The following KLF17 variants were observed in gnomAD, a reference collection of about 807,000 sequenced individuals.
KLF17 encodes Krueppel-like factor 17.
A neutral mutation model predicts 34.2 loss-of-function variants in KLF17; 31 were observed. The ratio of observed to expected loss-of-function variants is 0.91; its 90% CI spans 0.68 to 1.22. The LOEUF (loss-of-function observed/expected upper bound fraction) is 1.22, where lower values mean the gene tolerates loss of function less well. Ranked by LOEUF, KLF17 falls within the 50% of genes most tolerant of loss-of-function variation. The pLI is 0.00. For synonymous variants in KLF17, 179 were observed against 186.7 expected (o/e 0.96, Z 0.34); for missense variants, 478 against 505.2 (o/e 0.95, Z 0.52).
chr1:44,086,807 G>T, the KLF17 span, among the ~76,000 whole-genome samples: 1 of 152,158 alleles, frequency 6.6e-6, no homozygotes, highest in Admixed American at 6.5e-5. Context: ...GCCTCCATTA[G>T]TGAAATAAGA....
chr1:44,103,918 C>T, the KLF17 span: 2 of 834,456 alleles, frequency 2.4e-6, no homozygotes, highest in Non-Finnish European at 4.2e-6. Context: ...TGCAGCTTCT[C>T]ATACTTGATC....
chr1:44,094,639 T>C, the KLF17 span, among the ~76,000 whole-genome samples: 3 of 152,184 alleles, frequency 2.0e-5, no homozygotes, highest in African/African-American at 7.2e-5. Context: ...TTGTCAAAAA[T>C]GAGTTGACTG....
chr1:44,100,774 G>A, the KLF17 span, among the ~76,000 whole-genome samples: 69,458 of 151,820 alleles, frequency 0.46, 16,128 homozygotes, highest in Middle Eastern at 0.51. Flanking sequence ...TTGTGTCTCA[G>A]CCTCCAAGTA....
chr1:44,068,164 A>T, the KLF17 span, among the ~76,000 whole-genome samples: 1 of 152,000 alleles, frequency 6.6e-6, no homozygotes, highest in South Asian at 2.1e-4. Flanking sequence ...AGCTAGGATT[A>T]CAGGTGCATG....
rs750191918 is a variant in KLF17 at position 44,129,911 on chromosome 1, C to T, written c.640C>T (p.Pro214Ser). The change falls in exon 2 of 4, where the codon CCG (proline) becomes TCG (serine). Residue 214 changes from proline to serine, a missense_variant. Transcript: ENST00000372299. ...VLPSMAQMLP[P>S]QDAHDLGMPP... ...CCCCTCCATGGCTCAGATGTTGCCC[C>T]CGCAAGATGCCCATGACCTTGGGAT... 9.3e-6 allele frequency: 15 copies of T among 1,614,060 alleles called. No homozygotes were observed. Among genetic ancestry groups the T allele is most frequent in the Non-Finnish European group, 1.3e-5 (15 of 1,180,046 alleles).
the KLF17 span, among the ~76,000 whole-genome samples, chr1:44,092,494 A>C: frequency 3.3e-5 from 5 of 152,332 alleles, no homozygotes; most frequent in South Asian, 8.3e-4. Context: ...AAAATAGTTC[A>C]AGTGATGAAC....
At chr1:44,090,934 G>GCACACA in the KLF17 span, among the ~76,000 whole-genome samples, 6 of 141,356 alleles carry the variant, frequency 4.2e-5, no homozygotes, top group East Asian at 1.0e-3. Context: ...ACATGCACAC[G>GCACACA]CACACACACA....
chr1:44,079,110 T>G, the KLF17 span, among the ~76,000 whole-genome samples: 2 of 152,170 alleles, frequency 1.3e-5, no homozygotes, highest in Non-Finnish European at 2.9e-5. Context: ...CTGCCTTTAA[T>G]TAGATGATCT....
intron 1 of KLF17, among the ~76,000 whole-genome samples, chr1:44,120,060 G>A (rs143250628): frequency 4.6e-5 from 7 of 152,328 alleles, no homozygotes; most frequent in East Asian, 1.9e-4. Context: ...CGGGTGGTGA[G>A]GGAGACATCT....
chr1:44,132,120 A>G (rs1342317929), intron 3 of KLF17, among the ~76,000 whole-genome samples: 2 of 152,084 alleles, frequency 1.3e-5, no homozygotes, highest in African/African-American at 4.8e-5. Flanking sequence ...AGCCTGGCTA[A>G]TATGGTGAAA....
At chr1:44,102,941 C>G in the KLF17 span, among the ~76,000 whole-genome samples, 1 of 152,082 alleles carries the variant, frequency 6.6e-6, no homozygotes, top group African/African-American at 2.4e-5. Flanking sequence ...CACAAAGAGG[C>G]TTTTACAGGT....
the KLF17 span, among the ~76,000 whole-genome samples, chr1:44,092,137 G>A: frequency 6.6e-6 from 1 of 151,838 alleles, no homozygotes; most frequent in Non-Finnish European, 1.5e-5. Flanking sequence ...GAGGTCGGGG[G>A]TTCGAGACCA....
At chr1:44,064,808 ATATT>A in the KLF17 span, among the ~76,000 whole-genome samples, 3 of 152,250 alleles carry the variant, frequency 2.0e-5, no homozygotes, top group Non-Finnish European at 2.9e-5. Flanking sequence ...GTATACATGT[ATATT>A]TAATATTTCA....
At chr1:44,045,133 A>C in the KLF17 span, 1 of 152,244 alleles carries the variant, frequency 6.6e-6, no homozygotes. Context: ...GAGGAAGGAC[A>C]GGCTGTTTTC....
At chr1:44,102,017 C>A in the KLF17 span, among the ~76,000 whole-genome samples, 1 of 151,430 alleles carries the variant, frequency 6.6e-6, no homozygotes, top group African/African-American at 2.4e-5. Context: ...CTATTGCCAA[C>A]CTGGGCAATA....
chr1:44,095,414 C>G, the KLF17 span, among the ~76,000 whole-genome samples: 1 of 151,238 alleles, frequency 6.6e-6, no homozygotes, highest in Admixed American at 6.6e-5. Flanking sequence ...GAAGTTTCTC[C>G]ATGTTGGTCA....
chr1:44,056,433 T>G, the KLF17 span, among the ~76,000 whole-genome samples: 1 of 152,068 alleles, frequency 6.6e-6, no homozygotes, highest in East Asian at 1.9e-4. Context: ...AGTAATAGCC[T>G]TTTTGGGAAT....
At chr1:44,054,779 C>CTTTTT in the KLF17 span, among the ~76,000 whole-genome samples, 1 of 97,218 alleles carries the variant, frequency 1.0e-5, no homozygotes, top group Non-Finnish European at 2.0e-5. Context: ...CCGTGCCCAG[C>CTTTTT]TTTTTTTTTT....
At chr1:44,091,778 G>A in the KLF17 span, among the ~76,000 whole-genome samples, 2 of 151,116 alleles carry the variant, frequency 1.3e-5, no homozygotes, top group Admixed American at 1.3e-4. Context: ...AAGATTTTGG[G>A]GACCTTAACG....
Sources: allele counts gnomAD v4.1 joint callset (sites outside exome capture counted in the v4.1 genomes callset), GRCh38; gene constraint gnomAD v4.1.1; transcripts MANE v1.5; gene names NCBI Gene and HGNC (gene_info 2026-07-23, HGNC 2026-07-21).